The following SI variants were observed in gnomAD, a reference collection of about 807,000 sequenced individuals.
The protein encoded by SI is sucrase-isomaltase, intestinal.
In SI, 235 loss-of-function variants were observed where a neutral mutation model predicts 253.3. The observed-to-expected ratio is 0.93, with a 90% CI of 0.83 to 1.03. SI has a LOEUF of 1.03. SI is among the 50% of genes least tolerant of loss of function. The pLI, the probability that SI is intolerant of heterozygous loss-of-function variation, is 0.00. For missense variants in SI, 2,442 were observed against 2,211.1 expected (o/e 1.10, Z -2.09); for synonymous variants, 819 against 712.0 (o/e 1.15, Z -2.39).
chr3:164,993,725 G>T (rs1316766928), intron 41 of SI, among the ~76,000 whole-genome samples: 1 of 151,646 alleles, frequency 6.6e-6, no homozygotes, highest in Non-Finnish European at 1.5e-5. Context: ...CCATGAAATA[G>T]AATTTTTAAG....
chr3:165,066,543 G>A (rs979712626), intron 6 of SI, among the ~76,000 whole-genome samples: 1 of 151,726 alleles, frequency 6.6e-6, no homozygotes, highest in Non-Finnish European at 1.5e-5. Flanking sequence ...TCAAAAACAT[G>A]TTGTTTCTGT....
intron 23 of SI, among the ~76,000 whole-genome samples, chr3:165,032,923 A>T (rs368054508): frequency 6.6e-6 from 1 of 151,584 alleles, no homozygotes; most frequent in South Asian, 2.1e-4. Flanking sequence ...TATGCAACAC[A>T]TATATACTCA....
At position 165,041,031 on chromosome 3, in the gene SI, T is replaced by G; in HGVS notation, c.2068A>C (p.Thr690Pro). The change falls in exon 18 of 48, where the codon ACT becomes CCT. Residue 690 changes from threonine (T) to proline (P), a missense_variant. Transcript: ENST00000264382. ...AAGGGTAATAAGGTGTAGCGAATAGTTAAATACTGCCTTGATGATTTAACC... is the reference window on the plus strand; with the variant it reads ...AAGGGTAATAAGGTGTAGCGAATAGGTAAATACTGCCTTGATGATTTAACC... ...LLVKSSRQYL[T>P]IRYTLLPFLY... is the part of the protein sequence containing the mutation. 6.2e-7 allele frequency: 1 copy of G among 1,612,746 alleles called. No individual in the cohort carries two copies. The highest frequency in any genetic ancestry group is 8.5e-7 in the Non-Finnish European group (1 of 1,179,170).
rs1217021283 is a variant in SI, at chr3:165,046,938, T to G, written c.1790A>C (p.His597Pro). ...TRSTFAGSGRHAAHWLGDNTA... is the reference protein window; with the variant it reads ...TRSTFAGSGRPAAHWLGDNTA... ...ATTGTCTCCTAACCAATGCGCAGCA[T>G]GTCTTCCAGATCCAGCAAATGTTGA... The change falls in exon 16 of 48, where the codon CAT (histidine) becomes CCT (proline). Residue 597 changes from histidine (H) to proline (P), a missense_variant. His to Pro is a moderately conservative substitution (Grantham distance 77). Coordinates refer to ENST00000264382, the MANE Select transcript of SI (RefSeq NM_001041.4). The G allele has an allele frequency of 6.2e-7, 1 of 1,612,850 alleles. No homozygotes were observed. Among genetic ancestry groups the G allele is most frequent in the Admixed American group, 1.7e-5 (1 of 59,938 alleles).
intron 16 of SI, among the ~76,000 whole-genome samples, chr3:165,046,543 A>G (rs1444656838): frequency 1.3e-5 from 2 of 151,780 alleles, no homozygotes. Context: ...TTTCTTCACC[A>G]TCTTATTTTT....
chr3:165,088,665 A>C, the SI span, among the ~76,000 whole-genome samples: 1 of 152,038 alleles, frequency 6.6e-6, no homozygotes, highest in African/African-American at 2.4e-5. Flanking sequence ...ATAAATAATA[A>C]ATACACTTAA....
intron 17 of SI, among the ~76,000 whole-genome samples, chr3:165,042,084 TC>T (rs1712863348): frequency 6.6e-6 from 1 of 152,004 alleles, no homozygotes; most frequent in Non-Finnish European, 1.5e-5. Context: ...TCATGCCCAC[TC>T]CCTTTGTCAT....
intron 44 of SI, 144 bp from the exon 45 acceptor site, chr3:164,987,370 T>C: frequency 1.5e-6 from 1 of 679,396 alleles, no homozygotes; most frequent in East Asian, 2.8e-5. Context: ...TTAAAGCATT[T>C]CCATTTTTCT....
intron 37 of SI, among the ~76,000 whole-genome samples, chr3:164,998,915 A>G (rs1242846142): frequency 6.6e-6 from 1 of 151,878 alleles, no homozygotes; most frequent in East Asian, 1.9e-4. Context: ...AGGCCTTTAT[A>G]TATTCCTTCA....
At chr3:164,990,825 C>T (rs1453610095) in intron 44 of SI, among the ~76,000 whole-genome samples, 1 of 151,692 alleles carries the variant, frequency 6.6e-6, no homozygotes, top group Non-Finnish European at 1.5e-5. Context: ...GTGCAGCACA[C>T]CAACATGGCA....
chr3:165,089,515 GAGGGTGGGGAGC>G, the SI span, among the ~76,000 whole-genome samples: 1 of 151,974 alleles, frequency 6.6e-6, no homozygotes, highest in Non-Finnish European at 1.5e-5. Context: ...TAGAGATTCT[GAGGGTGGGGAGC>G]AGGAGCAGAG....
intron 13 of SI, among the ~76,000 whole-genome samples, chr3:165,054,865 G>A (rs1274944432): frequency 2.0e-5 from 3 of 152,006 alleles, no homozygotes; most frequent in Non-Finnish European, 2.9e-5. Context: ...TAATTGCACT[G>A]CAATAGGCTT....
chr3:164,994,145 CAA>C, intron 41 of SI, 110 bp downstream of exon 41: 1 of 921,952 alleles, frequency 1.1e-6, no homozygotes, highest in East Asian at 2.6e-5. Flanking sequence ...GCTAATATAA[CAA>C]TGGAAAAACT....
Position 165,043,115 on chromosome 3 carries a change from T to C in SI, c.1948A>G (p.Met650Val), listed in dbSNP as rs1483525646. The C allele has an allele frequency of 1.9e-6, 3 of 1,612,792 alleles. No homozygotes were observed. The highest frequency in any genetic ancestry group is 2.5e-6 in the Non-Finnish European group (3 of 1,179,232). The change falls in exon 17 of 48, where the codon ATG becomes GTG. Residue 650 changes from methionine to valine, a missense_variant. Transcript: ENST00000264382. ...ETTEELCRRW[M>V]QLGAFYPFSR... ...AATGGATAAAATGCCCCAAGTTGCA[T>C]CCATCTTCTGCAAAGTTCTTCTGTG...
the SI span, among the ~76,000 whole-genome samples, chr3:165,083,909 T>C: frequency 6.6e-6 from 1 of 152,054 alleles, no homozygotes. Flanking sequence ...GTTTCACTCA[T>C]GCTTTGTTGT....
intron 2 of SI, among the ~76,000 whole-genome samples, chr3:165,075,170 A>T (rs2108115838): frequency 6.6e-6 from 1 of 152,122 alleles, no homozygotes; most frequent in East Asian, 1.9e-4. Context: ...CGCCATATAA[A>T]TAACATTCCA....
chr3:165,076,040 A>T (rs745313284), intron 1 of SI, 28 bp from the exon 2 acceptor site: 1 of 1,391,664 alleles, frequency 7.2e-7, no homozygotes, highest in East Asian at 2.5e-5. Context: ...TATATATTTA[A>T]AATGTAAAAT....
the SI span, among the ~76,000 whole-genome samples, chr3:165,089,007 C>G: frequency 6.6e-6 from 1 of 151,708 alleles, no homozygotes; most frequent in Non-Finnish European, 1.5e-5. Context: ...ACCTTTGACC[C>G]ACATTCAAAT....
At chr3:164,991,617 A>T in intron 43 of SI, 140 bp from the exon 44 acceptor site, 1 of 913,798 alleles carries the variant, frequency 1.1e-6, no homozygotes, top group South Asian at 1.5e-5. Context: ...AGAAAATCTT[A>T]ATTTGTTTCA....
Sources: allele counts gnomAD v4.1 joint callset (sites outside exome capture counted in the v4.1 genomes callset), GRCh38; gene constraint gnomAD v4.1.1; transcripts MANE v1.5; gene names NCBI Gene and HGNC (gene_info 2026-07-23, HGNC 2026-07-21).